Variants in CEACAM20 observed in about 807,000 individuals in gnomAD.
The protein encoded by CEACAM20 is cell adhesion molecule CEACAM20.
Under a neutral mutation model 61.2 loss-of-function variants are expected in CEACAM20, and 50 were observed. The ratio of observed to expected loss-of-function variants is 0.82; its 90% CI spans 0.65 to 1.03. The LOEUF (loss-of-function observed/expected upper bound fraction) is 1.03, where lower values mean the gene tolerates loss of function less well. Among genes scored for constraint, CEACAM20 ranks in the 50% least tolerant of loss-of-function variants. The pLI, the probability that CEACAM20 is intolerant of heterozygous loss-of-function variation, is 0.00. For synonymous variants in CEACAM20, 282 were observed against 287.7 expected (o/e 0.98, Z 0.20); for missense variants, 683 against 736.4 (o/e 0.93, Z 0.84).
rs1333670239 is a variant in CEACAM20 at position 44,524,107 on chromosome 19, G to A, written c.351C>T (p.Ser117=). The part of the protein sequence containing the change: ...SIVFHERMQL[S]KDGKILTILI... ...GAATGGTGAGGATCTTGCCATCCTT[G>A]GACAGCTGCATGCGCTCATGGAACA... is the stretch of plus-strand genomic sequence containing the variant. Residue 117 remains serine (S), a synonymous_variant, in exon 3 of 12, where the codon TCC becomes TCT. Transcript: ENST00000614924. The A allele has an allele frequency of 6.2e-7, 1 of 1,606,940 alleles. No homozygotes were observed. Among genetic ancestry groups the A allele is most frequent in the Non-Finnish European group, 8.5e-7 (1 of 1,176,842 alleles).
At chr19:44,525,537 G>C (rs1393033536) in intron 1 of CEACAM20, among the ~76,000 whole-genome samples, 1 of 152,184 alleles carries the variant, frequency 6.6e-6, no homozygotes, top group African/African-American at 2.4e-5. Flanking sequence ...CTGCCTCCCA[G>C]GTTCAAGGGA....
In CEACAM20 at chr19:44,522,925, G is replaced by T. The variant is rs559911609; in HGVS notation, c.473-13C>A. ...GGATCAGGACCATCTGAGAGGACAG[G>T]AACAATTACAGCAGTAACAACAGCA... is the stretch of plus-strand genomic sequence containing the variant. On this transcript the variant is annotated splice_polypyrimidine_tract_variant and intron_variant, in intron 3 of 11. Transcript: ENST00000614924. 3.1e-6 allele frequency: 5 copies of T among 1,591,538 alleles called. No homozygotes were observed. The African/African-American group carries it at 6.7e-5, about 21-fold the overall frequency.
intron 8 of CEACAM20, 37 bp from the exon 9 acceptor site, chr19:44,512,115 G>A (rs975194312): frequency 1.8e-5 from 27 of 1,540,030 alleles, no homozygotes; most frequent in South Asian, 4.7e-5. Flanking sequence ...GCTGGAGTTC[G>A]AAAGAGATAT....
intron 4 of CEACAM20, among the ~76,000 whole-genome samples, 200 bp from the exon 5 acceptor site, chr19:44,520,952 T>G (rs118060653): frequency 0.015 from 2,299 of 152,220 alleles, 20 homozygotes; most frequent in Middle Eastern, 0.024. Context: ...GTCGTGTGAT[T>G]ATTATGTGAA....
At chr19:44,507,184 T>C (rs1476938208) in intron 11 of CEACAM20, among the ~76,000 whole-genome samples, 1 of 152,202 alleles carries the variant, frequency 6.6e-6, no homozygotes, top group East Asian at 1.9e-4. Context: ...TATGACCTTA[T>C]TCTGGCTAAT....
In CEACAM20 at chr19:44,522,821, T is replaced by C. The variant is rs1408775798; in HGVS notation, c.564A>G (p.Leu188=). 1 of 1,613,072 alleles carries C rather than the reference T, an allele frequency of 6.2e-7. No individual in the cohort carries two copies. Among genetic ancestry groups the C allele is most frequent in the Admixed American group, 1.7e-5 (1 of 59,850 alleles). ...AGGGTGGGTGAGACTTTGTTTCCGC[T>C]AAGAAGGTCATGCTGGAGCCCTCCA... ...EVMEGSSMTF[L]AETKSHPPCA... The change falls in exon 4 of 12, where the codon TTA becomes TTG. Residue 188 remains leucine (L), a synonymous_variant. Transcript: ENST00000614924.
Position 44,520,581 on chromosome 19 carries a change from G to T in CEACAM20, c.923C>A (p.Thr308Asn). The change falls in exon 5 of 12, where the codon ACC (threonine) becomes AAC (asparagine). Residue 308 changes from threonine (T) to asparagine (N), a missense_variant. Physicochemically the swap from Thr to Asn is moderately conservative, Grantham distance 65. Coordinates refer to ENST00000614924, the MANE Select transcript of CEACAM20 (RefSeq NM_001102597.3). The part of the protein sequence containing the change: ...EHLQLSADNR[T>N]LIIHGLQRND... ...CCGCTGGAGGCCATGGATGATTAGGGTCCTGTTGTCAGCTGACAGCTGCAG... is the reference window on the plus strand; with the variant it reads ...CCGCTGGAGGCCATGGATGATTAGGTTCCTGTTGTCAGCTGACAGCTGCAG... 6.2e-7 allele frequency: 1 copy of T among 1,614,008 alleles called. No individual in the cohort carries two copies. Among genetic ancestry groups the T allele is most frequent in the African/African-American group, 1.3e-5 (1 of 75,050 alleles).
In CEACAM20 at chr19:44,522,924, G is replaced by T. The variant is rs140913297; in HGVS notation, c.473-12C>A. Reference sequence around the variant, plus strand: ...AGGATCAGGACCATCTGAGAGGACAGGAACAATTACAGCAGTAACAACAGC... The same window carrying T: ...AGGATCAGGACCATCTGAGAGGACATGAACAATTACAGCAGTAACAACAGC... On this transcript the variant is annotated splice_polypyrimidine_tract_variant and intron_variant, in intron 3 of 11. Coordinates refer to ENST00000614924, the MANE Select transcript of CEACAM20 (RefSeq NM_001102597.3). 4 of 1,592,452 alleles carry T rather than the reference G, an allele frequency of 2.5e-6. No individual in the cohort carries two copies. Among genetic ancestry groups the T allele is most frequent in the African/African-American group, 1.3e-5 (1 of 74,674 alleles).
intron 1 of CEACAM20, among the ~76,000 whole-genome samples, chr19:44,528,598 TTCTC>T (rs58782762): frequency 6.6e-5 from 10 of 152,162 alleles, no homozygotes; most frequent in South Asian, 6.2e-4. Flanking sequence ...CTCCCTGTAT[TTCTC>T]TCTCTTTCTC....
intron 5 of CEACAM20, among the ~76,000 whole-genome samples, chr19:44,520,230 CCTGTGAAAGCCTAAAT>C (rs1297600988): frequency 6.6e-6 from 1 of 152,180 alleles, no homozygotes; most frequent in Non-Finnish European, 1.5e-5. Context: ...CCAGTGAGAC[CCTGTGAAAGCCTAAAT>C]CTGGTGGTGT....
intron 6 of CEACAM20, among the ~76,000 whole-genome samples, chr19:44,516,122 A>T (rs1284619355): frequency 1.3e-5 from 2 of 152,234 alleles, no homozygotes; most frequent in Admixed American, 6.5e-5. Context: ...GCTAACAAGC[A>T]TTGGAGAAGG....
chr19:44,523,054 C>A, intron 3 of CEACAM20, 142 bp from the exon 4 acceptor site: 1 of 720,280 alleles, frequency 1.4e-6, no homozygotes, highest in Non-Finnish European at 2.3e-6. Context: ...GTACAGCAGT[C>A]AGATGGAGAT....
chr19:44,512,023 G>A lies in CEACAM20; in HGVS notation c.1569C>T (p.Val523=), dbSNP rs747350028. The change falls in exon 9 of 12, where the codon GTC becomes GTT. Residue 523 remains valine, a synonymous_variant. Transcript: ENST00000614924. The part of the protein sequence containing the change: ...NISQLQGRIR[V]ELMQPPDLPE... ...CCTCTGCAGCATCACTCACCAGTTC[G>A]ACTCTGATCCGTCCCTGAAGCTGGG... 40 of 1,608,754 alleles carry A rather than the reference G, an allele frequency of 2.5e-5. No individual in the cohort carries two copies. The highest frequency in any genetic ancestry group is 2.3e-4 in the South Asian group (21 of 89,454).
intron 5 of CEACAM20, among the ~76,000 whole-genome samples, chr19:44,517,574 G>A (rs1261950252): frequency 6.6e-6 from 1 of 151,966 alleles, no homozygotes. Context: ...GCACGCACCT[G>A]TAGTCCCAGC....
At chr19:44,520,992 T>G (rs1428574716) in intron 4 of CEACAM20, among the ~76,000 whole-genome samples, 1 of 151,956 alleles carries the variant, frequency 6.6e-6, no homozygotes, top group Non-Finnish European at 1.5e-5. Context: ...GTATGGAGAG[T>G]GTGTGGTGTG....
intron 5 of CEACAM20, among the ~76,000 whole-genome samples, chr19:44,519,161 A>G (rs528375364): frequency 6.6e-6 from 1 of 152,112 alleles, no homozygotes; most frequent in African/African-American, 2.4e-5. Flanking sequence ...CCCATTCATG[A>G]TGACCCTTTG....
At chr19:44,520,991 G>C (rs117353101) in intron 4 of CEACAM20, among the ~76,000 whole-genome samples, 1 of 152,140 alleles carries the variant, frequency 6.6e-6, no homozygotes, top group East Asian at 1.9e-4. Flanking sequence ...TGTATGGAGA[G>C]TGTGTGGTGT....
intron 3 of CEACAM20, 112 bp downstream of exon 3, chr19:44,523,874 G>A: frequency 8.3e-7 from 1 of 1,198,410 alleles, no homozygotes; most frequent in Non-Finnish European, 1.1e-6. Flanking sequence ...TATGTCTGAA[G>A]TTCAAAGGTA....
chr19:44,513,443 CTT>C (rs398034749), intron 6 of CEACAM20, among the ~76,000 whole-genome samples, 154 bp from the exon 7 acceptor site: 7 of 117,080 alleles, frequency 6.0e-5, no homozygotes, highest in Non-Finnish European at 6.7e-5. Context: ...TTTGGTTTTG[CTT>C]TTTTTTTTTT....
Sources: allele counts gnomAD v4.1 joint callset (sites outside exome capture counted in the v4.1 genomes callset), GRCh38; gene constraint gnomAD v4.1.1; transcripts MANE v1.5; gene names NCBI Gene and HGNC (gene_info 2026-07-23, HGNC 2026-07-21).